IP6K1: variants seen among roughly 807,000 people sequenced by gnomAD.
The protein encoded by IP6K1 is ATP:1D-myo-inositol-hexakisphosphate phosphotransferase.
A neutral mutation model predicts 38.3 loss-of-function variants in IP6K1; 13 were observed. The observed-to-expected ratio is 0.34, with a 90% CI of 0.22 to 0.54. The LOEUF (loss-of-function observed/expected upper bound fraction) is 0.54, where lower values mean the gene tolerates loss of function less well. IP6K1 is among the 20% of genes least tolerant of loss of function. The probability of loss-of-function intolerance (pLI) is 0.92; values close to 1 mark genes in which losing one functional copy is unlikely to be tolerated. For missense variants in IP6K1, 397 were observed against 599.8 expected (o/e 0.66, Z 3.53); for synonymous variants, 212 against 229.9 (o/e 0.92, Z 0.70).
chr3:49,778,470 T>G (rs1559716794), intron 1 of IP6K1, among the ~76,000 whole-genome samples: 1 of 151,206 alleles, frequency 6.6e-6, no homozygotes, highest in Admixed American at 6.6e-5. Flanking sequence ...TCGTCTCTAC[T>G]AAAAATACAA....
At chr3:49,768,154 T>C (rs181476626) in intron 1 of IP6K1, among the ~76,000 whole-genome samples, 59 of 152,226 alleles carry the variant, frequency 3.9e-4, no homozygotes, top group African/African-American at 1.1e-3. Context: ...AAGTTAAACA[T>C]AGAATTACCA....
chr3:49,780,255 A>T (rs992290280), intron 1 of IP6K1, among the ~76,000 whole-genome samples: 4 of 144,124 alleles, frequency 2.8e-5, no homozygotes, highest in African/African-American at 1.0e-4. Flanking sequence ...TACATCTTCT[A>T]AATAAACGTA....
At chr3:49,752,380 C>T (rs912523440) in intron 1 of IP6K1, among the ~76,000 whole-genome samples, 3 of 151,134 alleles carry the variant, frequency 2.0e-5, no homozygotes, top group Non-Finnish European at 2.9e-5. Context: ...CCCAGCTACT[C>T]GGGAGGCTGA....
intron 1 of IP6K1, among the ~76,000 whole-genome samples, chr3:49,763,475 G>C (rs2080884175): frequency 6.6e-6 from 1 of 152,036 alleles, no homozygotes; most frequent in Non-Finnish European, 1.5e-5. Context: ...AAAGATTTTA[G>C]AACAATGTCC....
At chr3:49,753,431 CTTCT>C (rs1169590745) in intron 1 of IP6K1, among the ~76,000 whole-genome samples, 2 of 152,230 alleles carry the variant, frequency 1.3e-5, no homozygotes, top group East Asian at 1.9e-4. Context: ...TTAATTGGCT[CTTCT>C]TTTTCTTTTC....
At chr3:49,755,657 C>CTATA in intron 1 of IP6K1, among the ~76,000 whole-genome samples, 1 of 152,098 alleles carries the variant, frequency 6.6e-6, no homozygotes, top group Non-Finnish European at 1.5e-5. Context: ...AAAACTTGGG[C>CTATA]TATACAGCTC....
intron 1 of IP6K1, among the ~76,000 whole-genome samples, chr3:49,751,157 T>TGC (rs2080774422): frequency 8.9e-5 from 1 of 11,188 alleles, no homozygotes; most frequent in Non-Finnish European, 1.4e-4. Flanking sequence ...CCTTTTTTTT[T>TGC]TGTTGTTGTT....
chr3:49,774,102 G>A (rs2080984713), intron 1 of IP6K1, among the ~76,000 whole-genome samples: 1 of 151,668 alleles, frequency 6.6e-6, no homozygotes, highest in African/African-American at 2.4e-5. Context: ...ATTAGTCAGG[G>A]ACCATTAAAT....
chr3:49,759,550 T>C (rs2080851043), intron 1 of IP6K1, among the ~76,000 whole-genome samples: 1 of 152,020 alleles, frequency 6.6e-6, no homozygotes, highest in Non-Finnish European at 1.5e-5. Flanking sequence ...TGTAAGGAGA[T>C]TTCAGGGCAC....
At chr3:49,738,457 A>T (rs2108228854) in intron 2 of IP6K1, 35 bp from the exon 3 acceptor site, 1 of 1,535,172 alleles carries the variant, frequency 6.5e-7, no homozygotes, top group Non-Finnish European at 9.0e-7. Context: ...AACAAATGTC[A>T]ACACAGGCCG....
At chr3:49,740,225 A>ATCCTTT (rs1553693842) in intron 2 of IP6K1, among the ~76,000 whole-genome samples, 2 of 130,816 alleles carry the variant, frequency 1.5e-5, no homozygotes, top group African/African-American at 2.8e-5. Context: ...AAAATTTGCA[A>ATCCTTT]TTCTTTTTTT....
At chr3:49,742,561 GA>G (rs957843166) in intron 2 of IP6K1, among the ~76,000 whole-genome samples, 5 of 147,552 alleles carry the variant, frequency 3.4e-5, no homozygotes, top group Non-Finnish European at 7.5e-5. Flanking sequence ...AAAAGAAAAA[GA>G]AAAAAAAATA....
chr3:49,779,005 A>G (rs953443355), intron 1 of IP6K1, among the ~76,000 whole-genome samples: 2 of 152,328 alleles, frequency 1.3e-5, no homozygotes, highest in East Asian at 3.9e-4. Flanking sequence ...CAATTCAATG[A>G]TTTTAAGTAT....
chr3:49,733,038 A>T, intron 3 of IP6K1, 66 bp from the exon 4 acceptor site: 1 of 1,260,000 alleles, frequency 7.9e-7, no homozygotes, highest in Non-Finnish European at 1.1e-6. Flanking sequence ...GTCCCGCTGC[A>T]CAGGGCACAG....
chr3:49,759,516 T>C (rs766736416), intron 1 of IP6K1, among the ~76,000 whole-genome samples: 1 of 152,152 alleles, frequency 6.6e-6, no homozygotes, highest in African/African-American at 2.4e-5. Flanking sequence ...ATATTTCTTA[T>C]ATAGTTAGAC....
intron 1 of IP6K1, among the ~76,000 whole-genome samples, chr3:49,774,723 T>A (rs538288763): frequency 1.2e-3 from 179 of 152,336 alleles, no homozygotes; most frequent in Non-Finnish European, 2.1e-3. Flanking sequence ...AACACTTAGC[T>A]AGGGCTCTGA....
chr3:49,747,994 G>A lies in IP6K1; in HGVS notation c.47C>T (p.Ala16Val). ...TMEVGQYGKN[A>V]SRAGDRGVLL... ...GACTCCCCGGTCTCCAGCCCGACTT[G>A]CATTCTTGCCATACTGCCCCACTTC... Residue 16 changes from alanine to valine, a missense_variant, in exon 2 of 6, where the codon GCA becomes GTA. This residue lies in a region of IP6K1 where 171 missense variants were observed against 237.0 expected (regional missense o/e 0.72). Coordinates refer to ENST00000321599, the MANE Select transcript of IP6K1 (RefSeq NM_153273.4). The A allele has an allele frequency of 6.2e-7, 1 of 1,613,910 alleles. No individual in the cohort carries two copies. The highest frequency in any genetic ancestry group is 8.5e-7 in the Non-Finnish European group (1 of 1,180,036).
chr3:49,785,485 AAC>A (rs1465435632), intron 1 of IP6K1: 2 of 152,194 alleles, frequency 1.3e-5, no homozygotes, highest in African/African-American at 2.4e-5. Context: ...CGGCCTGGGC[AAC>A]AGAGCGAGAG....
intron 5 of IP6K1, 60 bp downstream of exon 5, chr3:49,728,043 A>G: frequency 6.5e-7 from 1 of 1,537,526 alleles, no homozygotes; most frequent in Non-Finnish European, 8.9e-7. Context: ...GCAGGCAGGT[A>G]TGAGCACAAC....
Sources: gnomAD v4.1 joint callset for allele counts (sites outside exome capture counted in the v4.1 genomes callset) on GRCh38, gnomAD v4.1.1 for gene constraint, gnomAD v4.1.1 regional missense constraint, MANE v1.5 for transcripts, NCBI Gene and HGNC (gene_info 2026-07-23, HGNC 2026-07-21) for gene names.